PIEZO2: variants seen among roughly 807,000 people sequenced by gnomAD.
The protein encoded by PIEZO2 is piezo-type mechanosensitive ion channel component 2.
In PIEZO2, 172 loss-of-function variants were observed where a neutral mutation model predicts 337.3. The observed-to-expected ratio is 0.51, with a 90% CI of 0.45 to 0.58. The LOEUF (loss-of-function observed/expected upper bound fraction) is 0.58. Among genes scored for constraint, PIEZO2 ranks in the 20% least tolerant of loss-of-function variants. The pLI is 0.00. For synonymous variants in PIEZO2, 1,251 were observed against 1,228.5 expected, an observed-to-expected ratio of 1.02 and a Z score of -0.38; for missense variants, 3,028 against 3,391.3, an observed-to-expected ratio of 0.89 and a Z score of 2.66.
chr18:10,808,812 A>G (rs2040081629), intron 7 of PIEZO2, among the ~76,000 whole-genome samples: 1 of 152,208 alleles, frequency 6.6e-6, no homozygotes, highest in Admixed American at 6.5e-5. Flanking sequence ...CACAGAACTG[A>G]AAGCTTTTCG....
chr18:10,677,520 A>G lies in PIEZO2; in HGVS notation c.8081+227T>C. On this transcript the variant is annotated intron_variant, in intron 53 of 55. Coordinates refer to ENST00000674853, the MANE Select transcript of PIEZO2 (RefSeq NM_001378183.1). The surrounding 1 kb of genome is among the most constrained non-coding windows in gnomAD (Gnocchi z 4.1). ...GGCATGAGCCACCATGCCTGGCCCA[A>G]ACCCTCATTTGGAACATAGACATAA... 2.3e-6 allele frequency: 1 copy of G among 432,750 alleles called. No individual in the cohort carries two copies. The highest frequency in any genetic ancestry group is 4.0e-6 in the Non-Finnish European group (1 of 249,374). The allele number at this position is 432,750 out of a possible 1,614,324, so 26.8% of individuals were successfully genotyped here.
intron 4 of PIEZO2, among the ~76,000 whole-genome samples, chr18:10,904,594 C>T (rs1037659214): frequency 3.3e-5 from 5 of 152,188 alleles, no homozygotes; most frequent in African/African-American, 1.2e-4. Context: ...TCACACTGAG[C>T]AAATGCTTCA....
Position 10,899,764 on chromosome 18 carries a change from T to A in PIEZO2, c.329+11422A>T, listed in dbSNP as rs113726719. On this transcript the variant is annotated intron_variant, in intron 4 of 55. Transcript: ENST00000674853. The surrounding 1 kb of genome is among the most constrained non-coding windows in gnomAD (Gnocchi z 4.6). ...ATGTTTCAGTGACATATAGTTCATCTCTTCATGCCCCTCATGAAACCTACA... is the reference window on the plus strand; with the variant it reads ...ATGTTTCAGTGACATATAGTTCATCACTTCATGCCCCTCATGAAACCTACA... Among the ~76,000 whole-genome samples the A allele has an allele frequency of 3.5e-4, 54 of 152,302 alleles. No individual in the cohort carries two copies. Among genetic ancestry groups the A allele is most frequent in the African/African-American group, 1.3e-3 (52 of 41,574 alleles).
rs1037851672 is a variant in PIEZO2, at chr18:11,034,441, C to T, written c.160+31686G>A. On this transcript the variant is annotated intron_variant, in intron 2 of 55. Transcript: ENST00000674853. ...CTGAGTAGCTGGGACTACAGGCGCC[C>T]GCCACCACGCCAGGCTAATTTTTTT... Among the ~76,000 whole-genome samples, 4 of 151,924 alleles carry T rather than the reference C, an allele frequency of 2.6e-5. No homozygotes were observed. The East Asian group carries it at 5.8e-4, about 22-fold the overall frequency.
In PIEZO2 at chr18:11,127,379, G is replaced by T. The variant is rs1296703353; in HGVS notation, c.64+21146C>A. The stretch of plus-strand genomic sequence containing the variant: ...CGATGTATTGATCCTGGGTGTGTCT[G>T]GGAGGGTGTTGCCAAAAGAGATTAC... On this transcript the variant is annotated intron_variant, in intron 1 of 55. Coordinates refer to ENST00000674853, the MANE Select transcript of PIEZO2 (RefSeq NM_001378183.1). This position sits in a 1 kb window ranked among gnomAD's most constrained non-coding sequence, Gnocchi z 4.5. Among the ~76,000 whole-genome samples, 1 of 152,196 alleles carries T rather than the reference G, an allele frequency of 6.6e-6. No individual in the cohort carries two copies. The highest frequency in any genetic ancestry group is 1.5e-5 in the Non-Finnish European group (1 of 68,036).
rs1450321952 is a variant in PIEZO2, at chr18:10,847,609, A to G, written c.917+7744T>C. Reference sequence around the variant, plus strand: ...CCCACTACACCCACGTAGGCCCCCAAACGATACCAAGGTCCAGATGAACTC... The same window carrying G: ...CCCACTACACCCACGTAGGCCCCCAGACGATACCAAGGTCCAGATGAACTC... On this transcript the variant is annotated intron_variant, in intron 7 of 55. Transcript: ENST00000674853. This position sits in a 1 kb window ranked among gnomAD's most constrained non-coding sequence, Gnocchi z 5.7. Among the ~76,000 whole-genome samples, 2 of 152,152 alleles carry G rather than the reference A, an allele frequency of 1.3e-5. No homozygotes were observed. The highest frequency in any genetic ancestry group is 2.9e-5 in the Non-Finnish European group (2 of 68,030).
At chr18:10,909,314 G>A (rs2030253971) in intron 4 of PIEZO2, among the ~76,000 whole-genome samples, 1 of 152,152 alleles carries the variant, frequency 6.6e-6, no homozygotes, top group Admixed American at 6.5e-5. Context: ...AGTCAATGAT[G>A]TGAAGAAAAA....
chr18:10,772,591 C>T (rs950511918), intron 20 of PIEZO2, among the ~76,000 whole-genome samples: 5 of 152,282 alleles, frequency 3.3e-5, no homozygotes, highest in African/African-American at 1.2e-4. Flanking sequence ...GGTCTTCTTG[C>T]TACTTTTTTT....
rs1465287930 is a variant in PIEZO2 at position 10,973,879 on chromosome 18, G to A, written c.286+5656C>T. 1.3e-5 allele frequency among the ~76,000 whole-genome samples: 2 copies of A among 152,116 alleles called. No homozygotes were observed. Among genetic ancestry groups the A allele is most frequent in the African/African-American group, 4.8e-5 (2 of 41,418 alleles). Reference sequence around the variant, plus strand: ...TCGTACTTATTAGCTCTTTTCTCCAGGGTACTGTCTCAAATATGAAAAATT... The same window carrying A: ...TCGTACTTATTAGCTCTTTTCTCCAAGGTACTGTCTCAAATATGAAAAATT... On this transcript the variant is annotated intron_variant, in intron 3 of 55. Coordinates refer to ENST00000674853, the MANE Select transcript of PIEZO2 (RefSeq NM_001378183.1). This position sits in a 1 kb window ranked among gnomAD's most constrained non-coding sequence, Gnocchi z 4.9.
chr18:10,912,160 G>C (rs1055860452), intron 3 of PIEZO2, among the ~76,000 whole-genome samples: 4 of 151,542 alleles, frequency 2.6e-5, no homozygotes, highest in African/African-American at 9.7e-5. Context: ...TGGACAGCTG[G>C]GTATAAAAAA....
Position 10,784,332 on chromosome 18 carries a change from TC to T in PIEZO2, c.2492+451del, listed in dbSNP as rs576604887. 1.2e-4 allele frequency among the ~76,000 whole-genome samples: 18 copies of T among 152,348 alleles called. No individual in the cohort carries two copies. The East Asian group carries it at 3.5e-3, about 29-fold the overall frequency. ...CTAGTCAATTGCAGATTCTGTTTTT[TC>T]AGCCAAAGTTCTTTATTTCCAAAGT... On this transcript the variant is annotated intron_variant, in intron 17 of 55. Transcript: ENST00000674853. The surrounding 1 kb of genome is among the most constrained non-coding windows in gnomAD (Gnocchi z 4.5).
intron 1 of PIEZO2, among the ~76,000 whole-genome samples, chr18:11,122,298 A>G (rs2040051630): frequency 6.6e-6 from 1 of 152,172 alleles, no homozygotes; most frequent in Admixed American, 6.6e-5. Context: ...TAACTTTCCC[A>G]GGACCATTGA....
At chr18:10,808,112 G>A (rs1861756033) in intron 7 of PIEZO2, among the ~76,000 whole-genome samples, 1 of 152,004 alleles carries the variant, frequency 6.6e-6, no homozygotes, top group Non-Finnish European at 1.5e-5. Flanking sequence ...TTTTTGAAAT[G>A]GGGTCTCGCT....
At chr18:10,989,188 G>A (rs1308466126) in intron 2 of PIEZO2, among the ~76,000 whole-genome samples, 3 of 151,984 alleles carry the variant, frequency 2.0e-5, no homozygotes, top group Non-Finnish European at 4.4e-5. Context: ...GATTTCATGG[G>A]TGTCTATCAT....
intron 36 of PIEZO2, among the ~76,000 whole-genome samples, chr18:10,719,569 A>G (rs1317268299): frequency 6.6e-6 from 1 of 152,206 alleles, no homozygotes; most frequent in African/African-American, 2.4e-5. Flanking sequence ...ATATACATAT[A>G]TATCATTTTA....
intron 49 of PIEZO2, among the ~76,000 whole-genome samples, chr18:10,686,278 A>G (rs1432300452): frequency 6.6e-6 from 1 of 152,218 alleles, no homozygotes; most frequent in East Asian, 1.9e-4. Flanking sequence ...TATTCTCAGT[A>G]TTCACGTATC....
intron 2 of PIEZO2, among the ~76,000 whole-genome samples, chr18:11,045,295 C>CA (rs58924653): frequency 0.038 from 1,961 of 52,106 alleles, 243 homozygotes; most frequent in East Asian, 0.059. Context: ...GACTCCGTCT[C>CA]AAAAAAAAAA....
chr18:10,916,364 C>T (rs1417072342), intron 3 of PIEZO2, among the ~76,000 whole-genome samples: 7 of 152,158 alleles, frequency 4.6e-5, no homozygotes, highest in African/African-American at 1.7e-4. Context: ...GAGGCTCGGG[C>T]CTGTGCTGCA....
intron 36 of PIEZO2, 40 bp from the exon 37 acceptor site, chr18:10,718,299 T>G (rs1219457888): frequency 6.8e-7 from 1 of 1,467,334 alleles, no homozygotes; most frequent in Admixed American, 2.0e-5. Context: ...AAATTCCATC[T>G]AGGGTAAATT....
Sources: allele counts gnomAD v4.1 joint callset (sites outside exome capture counted in the v4.1 genomes callset), GRCh38; gene constraint gnomAD v4.1.1; non-coding constraint Gnocchi (gnomAD v3.1); transcripts MANE v1.5; gene names NCBI Gene and HGNC (gene_info 2026-07-23, HGNC 2026-07-21).